Variants in PDE3B observed in about 807,000 individuals in gnomAD.
PDE3B encodes cGMP-inhibited 3',5'-cyclic phosphodiesterase 3B.
Under a neutral mutation model 116.8 loss-of-function variants are expected in PDE3B, and 66 were observed. The observed-to-expected ratio is 0.56, with a 90% CI of 0.46 to 0.69. The LOEUF is 0.69. Ranked by LOEUF, PDE3B falls within the 30% of genes least tolerant of loss-of-function variation. PDE3B has a pLI of 0.00. For synonymous variants in PDE3B, 595 were observed against 533.6 expected (o/e 1.12, Z -1.59); for missense variants, 1,384 against 1,368.1 (o/e 1.01, Z -0.18).
intron 13 of PDE3B, among the ~76,000 whole-genome samples, chr11:14,860,599 T>C (rs1555006976): frequency 6.6e-6 from 1 of 152,174 alleles, no homozygotes; most frequent in Non-Finnish European, 1.5e-5. Flanking sequence ...CATGGCTAGA[T>C]TGGTACTACT....
intron 1 of PDE3B, among the ~76,000 whole-genome samples, chr11:14,711,978 G>A (rs891533643): frequency 3.9e-5 from 6 of 152,188 alleles, no homozygotes; most frequent in African/African-American, 1.2e-4. Context: ...CAAATAATTT[G>A]TTATGGCCTG....
chr11:14,658,413 A>G (rs190377802), intron 1 of PDE3B, among the ~76,000 whole-genome samples: 7 of 152,116 alleles, frequency 4.6e-5, no homozygotes, highest in African/African-American at 7.2e-5. Flanking sequence ...CTGAAGTGCA[A>G]TGGCACTATC....
chr11:14,841,993 G>A (rs1771686094), intron 11 of PDE3B, among the ~76,000 whole-genome samples: 1 of 146,748 alleles, frequency 6.8e-6, no homozygotes, highest in African/African-American at 2.5e-5. Flanking sequence ...CATTTTTTTT[G>A]TTGCTAAGTA....
chr11:14,780,999 A>G (rs1857977346), intron 2 of PDE3B, among the ~76,000 whole-genome samples: 1 of 152,252 alleles, frequency 6.6e-6, no homozygotes, highest in African/African-American at 2.4e-5. Context: ...CCAATCCTAC[A>G]GAGATACAAA....
chr11:14,730,845 GTCAC>G (rs2133853635), intron 1 of PDE3B, among the ~76,000 whole-genome samples: 1 of 152,236 alleles, frequency 6.6e-6, no homozygotes, highest in Non-Finnish European at 1.5e-5. Context: ...TGTGACCTCT[GTCAC>G]TCTGTCATCA....
intron 12 of PDE3B, among the ~76,000 whole-genome samples, chr11:14,849,443 T>C (rs950839566): frequency 2.6e-5 from 4 of 152,112 alleles, no homozygotes; most frequent in Admixed American, 6.5e-5. Flanking sequence ...ACTTCATGTC[T>C]AAAACACCAG....
chr11:14,714,938 A>G (rs1855832020), intron 1 of PDE3B, among the ~76,000 whole-genome samples: 1 of 152,004 alleles, frequency 6.6e-6, no homozygotes, highest in South Asian at 2.1e-4. Flanking sequence ...TTTAAAATAT[A>G]ATATCTTAAA....
At chr11:14,651,161 C>T (rs1258721505) in intron 1 of PDE3B, among the ~76,000 whole-genome samples, 3 of 152,140 alleles carry the variant, frequency 2.0e-5, no homozygotes, top group Non-Finnish European at 4.4e-5. Context: ...CCATGTCTTT[C>T]TCCTAGCTTC....
chr11:14,682,696 A>T (rs967292402), intron 1 of PDE3B, among the ~76,000 whole-genome samples: 1 of 151,948 alleles, frequency 6.6e-6, no homozygotes, highest in Non-Finnish European at 1.5e-5. Flanking sequence ...ATATATTCTT[A>T]TACATTGCTG....
rs182921521 is a variant in PDE3B, at chr11:14,861,081, T to G, written c.2725-124T>G. On this transcript the variant is annotated intron_variant, in intron 13 of 15. Coordinates refer to ENST00000282096, the MANE Select transcript of PDE3B (RefSeq NM_000922.4). ...TAAGCTGATTTTAAAAAGAACTATT[T>G]GCTGAAATTTCTTTCTGTCATTTAG... 6.6e-5 allele frequency: 43 copies of G among 652,876 alleles called. No individual in the cohort carries two copies. The Admixed American group carries it at 1.3e-3, about 20-fold the overall frequency. The allele number at this position is 652,876 out of a possible 1,614,324, so 40.4% of individuals were successfully genotyped here.
chr11:14,649,260 C>A (rs1455282921), intron 1 of PDE3B, among the ~76,000 whole-genome samples: 1 of 152,144 alleles, frequency 6.6e-6, no homozygotes, highest in Non-Finnish European at 1.5e-5. Flanking sequence ...CTTCTGTACC[C>A]CATTCAAAGC....
At chr11:14,699,670 C>T (rs1177158017) in intron 1 of PDE3B, among the ~76,000 whole-genome samples, 33 of 151,674 alleles carry the variant, frequency 2.2e-4, no homozygotes, top group Admixed American at 2.2e-3. Context: ...TATACTATGC[C>T]AGTGATGTTA....
chr11:14,731,404 G>T (rs1191340924), intron 1 of PDE3B, among the ~76,000 whole-genome samples: 1 of 151,748 alleles, frequency 6.6e-6, no homozygotes, highest in Non-Finnish European at 1.5e-5. Flanking sequence ...GACTGCAGGT[G>T]CCCGCCACCA....
chr11:14,724,749 G>A (rs1294247651), intron 1 of PDE3B, among the ~76,000 whole-genome samples: 1 of 152,212 alleles, frequency 6.6e-6, no homozygotes, highest in Admixed American at 6.5e-5. Flanking sequence ...AATGCCTTGT[G>A]AGAGGGAGTG....
chr11:14,739,325 T>C (rs1414917778), intron 1 of PDE3B, among the ~76,000 whole-genome samples: 1 of 152,184 alleles, frequency 6.6e-6, no homozygotes, highest in Non-Finnish European at 1.5e-5. Flanking sequence ...TCACATCCCT[T>C]GTAAGTTGGA....
chr11:14,772,311 C>A (rs1193463870), intron 2 of PDE3B: 4 of 160,856 alleles, frequency 2.5e-5, no homozygotes, highest in Non-Finnish European at 5.4e-5. Context: ...CTGATGTGGA[C>A]CACTGTTCTA....
At chr11:14,895,647 T>G in the PDE3B span, among the ~76,000 whole-genome samples, 1 of 152,346 alleles carries the variant, frequency 6.6e-6, no homozygotes, top group African/African-American at 2.4e-5. Flanking sequence ...CCAGTAGCAC[T>G]TCTGGGTGAG....
At chr11:14,837,960 AT>A (rs957377023) in intron 11 of PDE3B, among the ~76,000 whole-genome samples, 32 of 149,312 alleles carry the variant, frequency 2.1e-4, no homozygotes, top group East Asian at 9.8e-4. Flanking sequence ...AGAAACCCTT[AT>A]TTTTTTTTTA....
the PDE3B span, among the ~76,000 whole-genome samples, chr11:14,894,054 G>A: frequency 1.3e-5 from 2 of 152,172 alleles, no homozygotes; most frequent in African/African-American, 4.8e-5. Flanking sequence ...AAGTCAGCAA[G>A]TTAGTCAGGT....
Sources: gnomAD v4.1 joint callset for allele counts (sites outside exome capture counted in the v4.1 genomes callset) on GRCh38, gnomAD v4.1.1 for gene constraint, MANE v1.5 for transcripts, NCBI Gene and HGNC (gene_info 2026-07-23, HGNC 2026-07-21) for gene names.